Variants in CPEB1 observed in about 807,000 individuals in gnomAD.
The protein encoded by CPEB1 is cytoplasmic polyadenylation element binding protein 1, also known as cytoplasmic polyadenylation element-binding protein 1.
A neutral mutation model predicts 65.8 loss-of-function variants in CPEB1; 7 were observed. The ratio of observed to expected loss-of-function variants is 0.11; its 90% CI spans 0.06 to 0.20. The LOEUF (loss-of-function observed/expected upper bound fraction) is 0.20. Among genes scored for constraint, CPEB1 ranks in the 10% least tolerant of loss-of-function variants. The pLI is 1.00. For synonymous variants in CPEB1, 262 were observed against 260.0 expected, an observed-to-expected ratio of 1.01 and a Z score of -0.08; for missense variants, 551 against 712.2, an observed-to-expected ratio of 0.77 and a Z score of 2.58.
chr15:82,615,020 T>G (rs2044578252), intron 3 of CPEB1, among the ~76,000 whole-genome samples: 1 of 152,138 alleles, frequency 6.6e-6, no homozygotes, highest in Admixed American at 6.5e-5. Context: ...TATTTAAGCT[T>G]CACAAAACCC....
chr15:82,618,127 T>C (rs556503163), intron 3 of CPEB1, among the ~76,000 whole-genome samples: 1 of 152,260 alleles, frequency 6.6e-6, no homozygotes, highest in East Asian at 1.9e-4. Context: ...CTGGGTCTTA[T>C]GGTAGGTAAA....
Position 82,555,920 on chromosome 15 carries a change from T to C in CPEB1, c.890A>G (p.Lys297Arg). ...CTCTCTCTCTATGCTGAAGGGGTCT[T>C]TGGGAGCTTCGAGGAGGTCCCAGGA... is the stretch of plus-strand genomic sequence containing the variant. ...WPSWDLLEAP[K>R]DPFSIEREAR... The change falls in exon 6 of 13, where the codon AAA becomes AGA. Residue 297 changes from lysine to arginine, a missense_variant. Physicochemically the swap from Lys to Arg is conservative, Grantham distance 26. Transcript: ENST00000684509. 1.2e-6 allele frequency: 2 copies of C among 1,613,746 alleles called. No individual in the cohort carries two copies. Among genetic ancestry groups the C allele is most frequent in the Non-Finnish European group, 1.7e-6 (2 of 1,179,850 alleles).
chr15:82,564,022 A>C (rs1396561630), intron 4 of CPEB1, among the ~76,000 whole-genome samples: 2 of 152,184 alleles, frequency 1.3e-5, no homozygotes, highest in Admixed American at 6.5e-5. Flanking sequence ...CATGCTTTTT[A>C]AAGTCTCAAA....
intron 3 of CPEB1, among the ~76,000 whole-genome samples, chr15:82,613,879 C>T (rs1353227364): frequency 6.6e-6 from 1 of 151,898 alleles, no homozygotes; most frequent in Non-Finnish European, 1.5e-5. Context: ...CCCCTCAATG[C>T]CCCCCTGGGA....
chr15:82,552,786 C>G (rs2036511603), intron 8 of CPEB1, among the ~76,000 whole-genome samples, 170 bp from the exon 9 acceptor site: 1 of 152,198 alleles, frequency 6.6e-6, no homozygotes, highest in Non-Finnish European at 1.5e-5. Flanking sequence ...TATGCAGATG[C>G]CCTGGGTTGT....
chr15:82,568,710 T>C (rs189619242), intron 4 of CPEB1, among the ~76,000 whole-genome samples: 204 of 152,176 alleles, frequency 1.3e-3, no homozygotes, highest in Non-Finnish European at 2.0e-3. Flanking sequence ...GGGGAAAAAA[T>C]GAAAGCCCCT....
intron 3 of CPEB1, among the ~76,000 whole-genome samples, chr15:82,597,285 T>C (rs1409064137): frequency 1.3e-5 from 2 of 152,196 alleles, no homozygotes; most frequent in African/African-American, 2.4e-5. Flanking sequence ...GTGATCAAAA[T>C]GTAGCAGGAT....
In CPEB1 at chr15:82,555,986, G is replaced by C. The variant is rs779412598; in HGVS notation, c.824C>G (p.Thr275Ser). Residue 275 changes from threonine (T) to serine (S), a missense_variant, in exon 6 of 13, where the codon ACC becomes AGC. Thr to Ser is a moderately conservative substitution (Grantham distance 58, BLOSUM62 1). Coordinates refer to ENST00000684509, the MANE Select transcript of CPEB1 (RefSeq NM_001365242.1). ...AALAAVTPSP[T>S]SASKRWPGAS... is the part of the protein sequence containing the mutation. Reference sequence around the variant, plus strand: ...TCCTGGCCATCTCTTTGAAGCACTGGTTGGGGAGGGAGTGACTGCAGCAAG... The same window carrying C: ...TCCTGGCCATCTCTTTGAAGCACTGCTTGGGGAGGGAGTGACTGCAGCAAG... 6.2e-7 allele frequency: 1 copy of C among 1,613,874 alleles called. No homozygotes were observed. Among genetic ancestry groups the C allele is most frequent in the Non-Finnish European group, 8.5e-7 (1 of 1,179,930 alleles).
chr15:82,627,809 G>A (rs1010013918), intron 2 of CPEB1, among the ~76,000 whole-genome samples: 1 of 152,278 alleles, frequency 6.6e-6, no homozygotes, highest in East Asian at 1.9e-4. Flanking sequence ...TGGTTCAATT[G>A]ATATTTTGTT....
At chr15:82,637,591 G>A (rs184996422) in intron 1 of CPEB1, among the ~76,000 whole-genome samples, 2 of 152,240 alleles carry the variant, frequency 1.3e-5, no homozygotes, top group East Asian at 3.9e-4. Context: ...GCAAGCATCA[G>A]ATGCTTCTCT....
chr15:82,577,788 G>A (rs1029020493), intron 3 of CPEB1, among the ~76,000 whole-genome samples: 1 of 152,042 alleles, frequency 6.6e-6, no homozygotes, highest in Non-Finnish European at 1.5e-5. Flanking sequence ...CTCACAAAGT[G>A]CTGGGATTAC....
intron 4 of CPEB1, among the ~76,000 whole-genome samples, chr15:82,561,025 T>A (rs931125202): frequency 6.6e-6 from 1 of 152,130 alleles, no homozygotes; most frequent in African/African-American, 2.4e-5. Flanking sequence ...GTCAATAGAT[T>A]AGGAGCAAAT....
At chr15:82,606,116 GTA>G (rs2043561928) in intron 3 of CPEB1, among the ~76,000 whole-genome samples, 1 of 152,164 alleles carries the variant, frequency 6.6e-6, no homozygotes, top group Non-Finnish European at 1.5e-5. Flanking sequence ...CAAAGTTTCT[GTA>G]TACTACTGAA....
chr15:82,586,016 T>A (rs2041771262), intron 3 of CPEB1, among the ~76,000 whole-genome samples: 2 of 152,164 alleles, frequency 1.3e-5, no homozygotes, highest in African/African-American at 2.4e-5. Flanking sequence ...ACTATTGTAG[T>A]GGTAGAGAAA....
intron 1 of CPEB1, among the ~76,000 whole-genome samples, chr15:82,635,762 G>A (rs576686963): frequency 6.6e-6 from 1 of 152,226 alleles, no homozygotes; most frequent in South Asian, 2.1e-4. Flanking sequence ...TAGAAGAGAG[G>A]AATAAAGTAG....
intron 4 of CPEB1, among the ~76,000 whole-genome samples, chr15:82,563,335 T>C (rs1012251661): frequency 2.6e-5 from 4 of 151,256 alleles, no homozygotes; most frequent in African/African-American, 9.7e-5. Flanking sequence ...TACATATGAA[T>C]GTATGTAAGA....
chr15:82,584,677 CAAAAAAA>C (rs11320676), intron 3 of CPEB1, among the ~76,000 whole-genome samples: 1 of 83,706 alleles, frequency 1.2e-5, no homozygotes, highest in Non-Finnish European at 2.6e-5. Flanking sequence ...GAGACTCCAT[CAAAAAAA>C]AAAAAAAAAA....
chr15:82,628,726 A>T, intron 1 of CPEB1, 170 bp from the exon 2 acceptor site: 1 of 407,300 alleles, frequency 2.5e-6, no homozygotes, highest in Non-Finnish European at 4.4e-6. Flanking sequence ...AGAGAGCAAG[A>T]CCAATCAATC....
intron 3 of CPEB1, among the ~76,000 whole-genome samples, chr15:82,602,854 A>G (rs1178307077): frequency 6.6e-6 from 1 of 152,034 alleles, no homozygotes; most frequent in African/African-American, 2.4e-5. Context: ...CAAAAACTAA[A>G]TAAATAAAAA....
Sources: gnomAD v4.1 joint callset for allele counts (sites outside exome capture counted in the v4.1 genomes callset) on GRCh38, gnomAD v4.1.1 for gene constraint, MANE v1.5 for transcripts, NCBI Gene and HGNC (gene_info 2026-07-23, HGNC 2026-07-21) for gene names.